DIP2C: variants seen among roughly 807,000 people sequenced by gnomAD.
DIP2C encodes DIP2 acetate--CoA ligase C (putative).
In DIP2C, 33 loss-of-function variants were observed where a neutral mutation model predicts 192.4. The ratio of observed to expected loss-of-function variants is 0.17; its 90% CI spans 0.13 to 0.23. DIP2C has a LOEUF of 0.23. Ranked by LOEUF, DIP2C falls within the 10% of genes least tolerant of loss-of-function variation. The pLI is 1.00. For missense variants in DIP2C, 1,537 were observed against 2,110.1 expected (o/e 0.73, Z 5.32); for synonymous variants, 979 against 864.1 (o/e 1.13, Z -2.33).
chr10:679,472 A>G (rs1180412998), intron 1 of DIP2C, among the ~76,000 whole-genome samples: 2 of 68,938 alleles, frequency 2.9e-5, no homozygotes, highest in Non-Finnish European at 2.6e-5. Context: ...TCCTCCCCAC[A>G]CCCCTGCTCC....
At chr10:528,273 C>T (rs1330859562) in intron 1 of DIP2C, among the ~76,000 whole-genome samples, 5 of 152,080 alleles carry the variant, frequency 3.3e-5, no homozygotes, top group Non-Finnish European at 7.4e-5. Flanking sequence ...GGCACCGTCA[C>T]GCACACCCAG....
At chr10:295,331 G>C (rs7086321) in intron 32 of DIP2C, among the ~76,000 whole-genome samples, 415 of 151,972 alleles carry the variant, frequency 2.7e-3, no homozygotes, top group Middle Eastern at 0.024. Context: ...GGAGGCCGAG[G>C]TGGGTGGATC....
At chr10:320,443 G>C (rs1416284500) in intron 31 of DIP2C, among the ~76,000 whole-genome samples, 2 of 151,668 alleles carry the variant, frequency 1.3e-5, no homozygotes, top group African/African-American at 2.4e-5. Flanking sequence ...AGGAGGCAGA[G>C]GTTGCAGTGA....
At chr10:334,948 A>C (rs1367632327) in intron 29 of DIP2C, among the ~76,000 whole-genome samples, 1 of 152,154 alleles carries the variant, frequency 6.6e-6, no homozygotes. Flanking sequence ...GATATTATCA[A>C]TTTCTGCCCC....
At chr10:399,511 T>C (rs1340872833) in intron 9 of DIP2C, among the ~76,000 whole-genome samples, 1 of 152,226 alleles carries the variant, frequency 6.6e-6, no homozygotes, top group Non-Finnish European at 1.5e-5. Flanking sequence ...AGTTATATCC[T>C]ACTGTTTCTC....
Position 454,802 on chromosome 10 carries a change from G to A in DIP2C, c.269-13806C>T, listed in dbSNP as rs568673863. On this transcript the variant is annotated intron_variant, in intron 3 of 36. Coordinates refer to ENST00000280886, the MANE Select transcript of DIP2C (RefSeq NM_014974.3). ...TGAGATATTCGGGGGATAAAAACAT[G>A]AGCACCCCTGGAACCCTCAGAGAAA... Among the ~76,000 whole-genome samples, 7 of 148,802 alleles carry A rather than the reference G, an allele frequency of 4.7e-5. No individual in the cohort carries two copies. The South Asian group carries it at 1.5e-3, about 32-fold the overall frequency.
chr10:582,574 C>A (rs1850736533), intron 1 of DIP2C, among the ~76,000 whole-genome samples: 1 of 152,094 alleles, frequency 6.6e-6, no homozygotes, highest in African/African-American at 2.4e-5. Context: ...CAGAGCAAGA[C>A]CCTGTCTCAG....
intron 1 of DIP2C, among the ~76,000 whole-genome samples, chr10:522,669 C>A (rs541422049): frequency 6.6e-6 from 1 of 152,248 alleles, no homozygotes; most frequent in East Asian, 1.9e-4. Context: ...CCATCTGTGT[C>A]TCTTCTTTGT....
intron 32 of DIP2C, among the ~76,000 whole-genome samples, chr10:292,566 T>G (rs1955543223): frequency 6.6e-6 from 1 of 152,200 alleles, no homozygotes; most frequent in African/African-American, 2.4e-5. Flanking sequence ...CCTGTTTTGC[T>G]AGAAGCGACG....
At chr10:662,190 A>G in intron 1 of DIP2C, 1 of 706,368 alleles carries the variant, frequency 1.4e-6, no homozygotes, top group Admixed American at 2.0e-5. Context: ...TTTTATCTAT[A>G]CACAAAGAGT....
intron 1 of DIP2C, among the ~76,000 whole-genome samples, chr10:613,037 T>A (rs966672798): frequency 9.2e-4 from 140 of 152,220 alleles, no homozygotes; most frequent in African/African-American, 3.0e-3. Flanking sequence ...AAGCAGAGCA[T>A]CCCACACCCA....
chr10:629,166 C>T (rs977379787), intron 1 of DIP2C, among the ~76,000 whole-genome samples: 2 of 152,200 alleles, frequency 1.3e-5, no homozygotes, highest in African/African-American at 4.8e-5. Flanking sequence ...ACGGAAGGAA[C>T]TGGCGGTGGA....
chr10:528,019 A>C (rs1182135855), intron 1 of DIP2C, among the ~76,000 whole-genome samples: 4 of 152,162 alleles, frequency 2.6e-5, no homozygotes, highest in Non-Finnish European at 4.4e-5. Flanking sequence ...CCCAGCCCCA[A>C]CCACAGCAAG....
intron 1 of DIP2C, among the ~76,000 whole-genome samples, chr10:576,219 C>G (rs1228324495): frequency 1.3e-5 from 2 of 152,224 alleles, no homozygotes; most frequent in African/African-American, 4.8e-5. Flanking sequence ...CCTGGGACTC[C>G]CAGGCAGCTG....
chr10:628,663 G>A (rs1162484869), intron 1 of DIP2C: 1 of 152,734 alleles, frequency 6.5e-6, no homozygotes, highest in Non-Finnish European at 1.5e-5. Context: ...GCTGCCAGCA[G>A]GCAGTGCTTT....
intron 1 of DIP2C, among the ~76,000 whole-genome samples, chr10:682,884 G>A (rs757016625): frequency 7.2e-5 from 11 of 152,198 alleles, no homozygotes; most frequent in South Asian, 2.1e-4. Context: ...AGCTATTAGC[G>A]AAACAAAAAA....
At chr10:482,386 C>A (rs537456635) in intron 2 of DIP2C, among the ~76,000 whole-genome samples, 61 of 152,214 alleles carry the variant, frequency 4.0e-4, no homozygotes, top group Middle Eastern at 6.8e-3. Context: ...TCACGCGACC[C>A]CATGATGGAA....
At chr10:567,455 C>T (rs1401426600) in intron 1 of DIP2C, among the ~76,000 whole-genome samples, 2 of 151,762 alleles carry the variant, frequency 1.3e-5, no homozygotes, top group African/African-American at 4.8e-5. Flanking sequence ...CTCCCAAAGA[C>T]AGGCATCTGT....
chr10:431,514 T>C (rs1378366559), intron 4 of DIP2C, among the ~76,000 whole-genome samples: 1 of 152,238 alleles, frequency 6.6e-6, no homozygotes, highest in Admixed American at 6.5e-5. Flanking sequence ...CTCGAACTCC[T>C]GACCTCAAGT....
Sources: allele counts gnomAD v4.1 joint callset (sites outside exome capture counted in the v4.1 genomes callset), GRCh38; gene constraint gnomAD v4.1.1; transcripts MANE v1.5; gene names NCBI Gene and HGNC (gene_info 2026-07-23, HGNC 2026-07-21).